Variants in SDK1 observed in about 807,000 individuals in gnomAD.
SDK1 encodes the protein sidekick cell adhesion molecule 1, also known as protein sidekick-1.
Under a neutral mutation model 245.5 loss-of-function variants are expected in SDK1, and 157 were observed. The observed-to-expected ratio is 0.64, with a 90% CI of 0.56 to 0.73. The LOEUF (loss-of-function observed/expected upper bound fraction) is 0.73, where lower values mean the gene tolerates loss of function less well. SDK1 is among the 30% of genes least tolerant of loss of function. The pLI, the probability that SDK1 is intolerant of heterozygous loss-of-function variation, is 0.00. For synonymous variants in SDK1, 1,647 were observed against 1,278.5 expected (o/e 1.29, Z -6.15); for missense variants, 3,583 against 3,002.3 (o/e 1.19, Z -4.52).
At chr7:3,998,843 G>A (rs144523317) in intron 14 of SDK1, among the ~76,000 whole-genome samples, 1 of 152,284 alleles carries the variant, frequency 6.6e-6, no homozygotes, top group African/African-American at 2.4e-5. Flanking sequence ...GGGAGTGCTG[G>A]CTTCTCTGGG....
intron 5 of SDK1, among the ~76,000 whole-genome samples, chr7:3,942,434 A>G (rs972630459): frequency 2.0e-5 from 3 of 152,228 alleles, no homozygotes; most frequent in African/African-American, 7.2e-5. Flanking sequence ...CCAGTTGGCA[A>G]AATTCTAAAG....
chr7:3,598,201 G>C (rs1781130305), intron 1 of SDK1, among the ~76,000 whole-genome samples: 1 of 152,032 alleles, frequency 6.6e-6, no homozygotes, highest in South Asian at 2.1e-4. Context: ...CTTCCTTTAG[G>C]AAGTGCATGT....
chr7:3,474,514 T>C (rs148073478), intron 1 of SDK1, among the ~76,000 whole-genome samples: 9 of 152,254 alleles, frequency 5.9e-5, no homozygotes, highest in African/African-American at 1.9e-4. Flanking sequence ...TCATTGTTCT[T>C]TAATTCCTTT....
chr7:3,343,570 T>A (rs1198107705), intron 1 of SDK1, among the ~76,000 whole-genome samples: 1 of 152,192 alleles, frequency 6.6e-6, no homozygotes, highest in African/African-American at 2.4e-5. Flanking sequence ...GGAAATACTC[T>A]ATCTTGGCTG....
At chr7:3,855,106 G>A (rs1045957255) in intron 5 of SDK1, among the ~76,000 whole-genome samples, 8 of 152,064 alleles carry the variant, frequency 5.3e-5, no homozygotes, top group Non-Finnish European at 1.2e-4. Flanking sequence ...CACTTTTCTA[G>A]TGAGCTGGGA....
intron 1 of SDK1, among the ~76,000 whole-genome samples, chr7:3,499,490 T>C (rs977977097): frequency 2.0e-5 from 3 of 152,352 alleles, no homozygotes; most frequent in Admixed American, 6.5e-5. Context: ...GCCAGTGTCT[T>C]AGAAGCCCCA....
At chr7:4,222,456 G>A (rs540854597) in intron 40 of SDK1, among the ~76,000 whole-genome samples, 4 of 152,082 alleles carry the variant, frequency 2.6e-5, no homozygotes, top group African/African-American at 7.2e-5. Flanking sequence ...CATCACGCCC[G>A]GCTAATTTTT....
intron 4 of SDK1, among the ~76,000 whole-genome samples, chr7:3,810,834 G>A (rs1193141814): frequency 6.6e-6 from 1 of 152,198 alleles, no homozygotes; most frequent in Non-Finnish European, 1.5e-5. Context: ...CATCTGGGTG[G>A]AAGTATCCGA....
At chr7:3,561,203 A>G (rs1055433103) in intron 1 of SDK1, among the ~76,000 whole-genome samples, 5 of 152,144 alleles carry the variant, frequency 3.3e-5, no homozygotes, top group Admixed American at 6.6e-5. Context: ...CCACAGTTCT[A>G]TTAGAATCCT....
chr7:3,880,268 G>A (rs1034099243), intron 5 of SDK1, among the ~76,000 whole-genome samples: 6 of 152,182 alleles, frequency 3.9e-5, no homozygotes, highest in Non-Finnish European at 7.3e-5. Context: ...AATAAATCCC[G>A]AACAGCTGGT....
At chr7:3,633,805 G>A (rs1562618245) in intron 2 of SDK1, among the ~76,000 whole-genome samples, 1 of 152,072 alleles carries the variant, frequency 6.6e-6, no homozygotes, top group Non-Finnish European at 1.5e-5. Context: ...GGATATTGGG[G>A]TGCCCTTAGA....
At chr7:3,328,737 T>G (rs1038254905) in intron 1 of SDK1, among the ~76,000 whole-genome samples, 2 of 152,120 alleles carry the variant, frequency 1.3e-5, no homozygotes, top group Non-Finnish European at 2.9e-5. Flanking sequence ...TAGAAATCTT[T>G]CCATGACCAC....
chr7:4,190,596 A>C (rs1562410126), intron 35 of SDK1, among the ~76,000 whole-genome samples: 1 of 152,228 alleles, frequency 6.6e-6, no homozygotes, highest in South Asian at 2.1e-4. Flanking sequence ...TGTGGGATGC[A>C]GGTGCCTCCG....
chr7:3,884,218 T>C (rs555955967), intron 5 of SDK1, among the ~76,000 whole-genome samples: 85 of 152,204 alleles, frequency 5.6e-4, no homozygotes, highest in African/African-American at 2.0e-3. Context: ...AGCATGGGGA[T>C]TACAGGCGTG....
intron 4 of SDK1, among the ~76,000 whole-genome samples, chr7:3,809,457 C>A (rs1293568450): frequency 1.3e-5 from 2 of 152,194 alleles, no homozygotes; most frequent in African/African-American, 4.8e-5. Flanking sequence ...GTGAGTCTGC[C>A]TTAGCCATCG....
intron 4 of SDK1, among the ~76,000 whole-genome samples, chr7:3,702,479 C>A (rs896741922): frequency 1.3e-5 from 2 of 152,256 alleles, no homozygotes; most frequent in Admixed American, 1.3e-4. Flanking sequence ...TGAATAAGCA[C>A]CCCTCTCCCC....
At chr7:3,867,536 G>T (rs1443109749) in intron 5 of SDK1, among the ~76,000 whole-genome samples, 1 of 152,146 alleles carries the variant, frequency 6.6e-6, no homozygotes, top group Non-Finnish European at 1.5e-5. Context: ...CTTCTTACAT[G>T]GGTGGCTGCA....
chr7:3,778,609 G>A (rs1780632618), intron 4 of SDK1, among the ~76,000 whole-genome samples: 1 of 152,174 alleles, frequency 6.6e-6, no homozygotes, highest in African/African-American at 2.4e-5. Context: ...TCATTGTAGC[G>A]AAAGCACTTC....
chr7:3,452,540 TAATAA>T (rs1309545587), intron 1 of SDK1, among the ~76,000 whole-genome samples: 1 of 152,234 alleles, frequency 6.6e-6, no homozygotes, highest in Non-Finnish European at 1.5e-5. Context: ...AAACCTTTAC[TAATAA>T]AATGTCACAT....
Sources: allele counts gnomAD v4.1 joint callset (sites outside exome capture counted in the v4.1 genomes callset), GRCh38; gene constraint gnomAD v4.1.1; transcripts MANE v1.5; gene names NCBI Gene and HGNC (gene_info 2026-07-23, HGNC 2026-07-21).